Variants in ARID1B observed in about 807,000 individuals in gnomAD.
ARID1B encodes the protein AT-rich interaction domain 1B.
A neutral mutation model predicts 212.3 loss-of-function variants in ARID1B; 30 were observed. That is an observed-to-expected ratio of 0.14 (90% confidence interval 0.11 to 0.19). The LOEUF (loss-of-function observed/expected upper bound fraction) is 0.19, where lower values mean the gene tolerates loss of function less well. Ranked by LOEUF, ARID1B falls within the 10% of genes least tolerant of loss-of-function variation. The pLI is 1.00. For synonymous variants in ARID1B, 1,402 were observed against 1,301.7 expected (o/e 1.08, Z -1.66); for missense variants, 2,891 against 3,204.0 (o/e 0.90, Z 2.36).
intron 4 of ARID1B, among the ~76,000 whole-genome samples, chr6:157,002,393 C>G (rs921044083): frequency 4.6e-5 from 7 of 152,130 alleles, no homozygotes; most frequent in African/African-American, 1.7e-4. Flanking sequence ...ATTCTAAAAG[C>G]CTTCTAAATC....
intron 2 of ARID1B, among the ~76,000 whole-genome samples, chr6:156,859,302 A>G (rs1484819550): frequency 6.6e-6 from 1 of 152,224 alleles, no homozygotes; most frequent in Non-Finnish European, 1.5e-5. Context: ...TATGTGGTCC[A>G]TCATAGACCG....
intron 16 of ARID1B, 24 bp downstream of exon 16, chr6:157,196,339 T>G (rs1793725607): frequency 5.7e-6 from 9 of 1,579,234 alleles, no homozygotes; most frequent in Non-Finnish European, 7.7e-6. Flanking sequence ...AAGATGACAA[T>G]ATGATGATTT....
At position 157,208,008 on chromosome 6, in the gene ARID1B, G is replaced by C; in HGVS notation, c.*117G>C. 9.0e-7 allele frequency: 1 copy of C among 1,113,518 alleles called. No individual in the cohort carries two copies. The highest frequency in any genetic ancestry group is 1.2e-6 in the Non-Finnish European group (1 of 837,758). The allele number at this position is 1,113,518 out of a possible 1,614,324, so 69.0% of individuals were successfully genotyped here. ...AGGAAAAGAAAATCTTTGCTCCTCT[G>C]CCCCATTCACTATTTACCAATTGGG... On this transcript the variant is annotated 3_prime_UTR_variant, in exon 20 of 20. Coordinates refer to ENST00000636930, the MANE Select transcript of ARID1B (RefSeq NM_001374828.1).
chr6:156,952,545 G>A (rs2128308180), intron 4 of ARID1B, among the ~76,000 whole-genome samples: 1 of 152,304 alleles, frequency 6.6e-6, no homozygotes, highest in African/African-American at 2.4e-5. Flanking sequence ...GGCTGCCGTG[G>A]CTCCTGTGCA....
intron 4 of ARID1B, among the ~76,000 whole-genome samples, chr6:157,078,866 G>C (rs1439351510): frequency 6.6e-6 from 1 of 152,162 alleles, no homozygotes; most frequent in East Asian, 1.9e-4. Flanking sequence ...ATCTTTGCCT[G>C]AGAAATAACA....
chr6:156,926,806 C>G (rs540035549), intron 3 of ARID1B, among the ~76,000 whole-genome samples: 1 of 152,112 alleles, frequency 6.6e-6, no homozygotes, highest in Non-Finnish European at 1.5e-5. Context: ...CTCAGCTTCC[C>G]GAGTAGCTGG....
Position 156,779,326 on chromosome 6 carries a change from G to T in ARID1B, c.1646G>T (p.Gly549Val), listed in dbSNP as rs758181047. ...QAAAAGAAAGGQQAAAGMGLG... is the reference protein window; with the variant it reads ...QAAAAGAAAGVQQAAAGMGLG... ...GCGGCGGCGGGGGCGGCGGCGGGCG[G>T]CCAGCAGGCGGCCGCGGGCATGGGC... is the stretch of plus-strand genomic sequence containing the variant. Residue 549 changes from glycine to valine, a missense_variant, in exon 1 of 20, where the codon GGC (glycine) becomes GTC (valine). Gly to Val is a moderately radical substitution (Grantham distance 109, BLOSUM62 -3). This residue lies in a region of ARID1B where 1,643 missense variants were observed against 1,544.0 expected (regional missense o/e 1.06). Coordinates refer to ENST00000636930, the MANE Select transcript of ARID1B (RefSeq NM_001374828.1). 25 of 1,141,088 alleles carry T rather than the reference G, an allele frequency of 2.2e-5. No homozygotes were observed. In the South Asian group the frequency reaches 9.3e-4, roughly 42 times the overall value. The allele number at this position is 1,141,088 out of a possible 1,614,324, so 70.7% of individuals were successfully genotyped here. A position where few individuals can be genotyped will look rare whatever the true frequency, so the allele number is the denominator to read the frequency against.
intron 2 of ARID1B, among the ~76,000 whole-genome samples, chr6:156,840,598 G>A (rs1391970748): frequency 3.3e-5 from 5 of 152,200 alleles, no homozygotes; most frequent in African/African-American, 4.8e-5. Flanking sequence ...GGTTCGCTCC[G>A]AGATTAGGCT....
chr6:156,908,706 TTC>T (rs750281957), intron 3 of ARID1B, among the ~76,000 whole-genome samples: 10 of 152,336 alleles, frequency 6.6e-5, no homozygotes, highest in Non-Finnish European at 1.2e-4. Context: ...ATCATTTTTG[TTC>T]TCTTTTAGTT....
chr6:156,904,014 T>C (rs1022675152), intron 3 of ARID1B, among the ~76,000 whole-genome samples: 4 of 152,216 alleles, frequency 2.6e-5, no homozygotes, highest in African/African-American at 9.6e-5. Context: ...CATTTATTGG[T>C]TTGAAAAAAT....
At chr6:156,894,986 A>G (rs1788266783) in intron 2 of ARID1B, among the ~76,000 whole-genome samples, 3 of 152,176 alleles carry the variant, frequency 2.0e-5, no homozygotes, top group Admixed American at 2.0e-4. Flanking sequence ...GATGAACTGA[A>G]CTAGCAAGGG....
chr6:156,878,787 C>G (rs1343512259), intron 2 of ARID1B, among the ~76,000 whole-genome samples: 1 of 152,204 alleles, frequency 6.6e-6, no homozygotes, highest in African/African-American at 2.4e-5. Flanking sequence ...GTGGTCGCTA[C>G]ATTGCTGCTT....
At chr6:156,886,366 T>C (rs773612546) in intron 2 of ARID1B, among the ~76,000 whole-genome samples, 3 of 152,226 alleles carry the variant, frequency 2.0e-5, no homozygotes, top group Non-Finnish European at 2.9e-5. Flanking sequence ...CTAACAATTT[T>C]AGTTTTTAAA....
intron 4 of ARID1B, among the ~76,000 whole-genome samples, chr6:157,039,616 ACCTT>A (rs1368853614): frequency 1.2e-3 from 147 of 123,248 alleles, no homozygotes; most frequent in African/African-American, 3.0e-3. Flanking sequence ...AAAGCTACCT[ACCTT>A]CCTTCCTTCC....
chr6:157,010,200 A>G (rs552676663), intron 4 of ARID1B, among the ~76,000 whole-genome samples: 38 of 150,506 alleles, frequency 2.5e-4, no homozygotes, highest in Non-Finnish European at 3.7e-4. Flanking sequence ...AATCTTGAAT[A>G]GGGCCGAGCT....
intron 1 of ARID1B, among the ~76,000 whole-genome samples, chr6:156,784,526 G>T (rs1049765306): frequency 3.9e-5 from 6 of 151,960 alleles, no homozygotes; most frequent in African/African-American, 1.5e-4. Context: ...AATGACTTAG[G>T]TATCAGTCAT....
At chr6:157,177,685 A>G (rs1304531845) in intron 11 of ARID1B, among the ~76,000 whole-genome samples, 1 of 152,248 alleles carries the variant, frequency 6.6e-6, no homozygotes, top group Non-Finnish European at 1.5e-5. Flanking sequence ...TAATTAAAGT[A>G]TATGCAAGGA....
intron 4 of ARID1B, among the ~76,000 whole-genome samples, chr6:156,965,775 C>T (rs550471027): frequency 2.6e-5 from 4 of 151,816 alleles, no homozygotes; most frequent in Non-Finnish European, 1.5e-5. Flanking sequence ...ATTGTTAGCT[C>T]GATTGTCCAA....
chr6:156,799,170 A>C (rs1441858333), intron 1 of ARID1B, among the ~76,000 whole-genome samples: 1 of 152,248 alleles, frequency 6.6e-6, no homozygotes, highest in Non-Finnish European at 1.5e-5. Context: ...AATACTAAGT[A>C]TTGAATAATT....
Sources: allele counts gnomAD v4.1 joint callset (sites outside exome capture counted in the v4.1 genomes callset), GRCh38; gene constraint gnomAD v4.1.1; regional missense constraint gnomAD v4.1.1; transcripts MANE v1.5; gene names NCBI Gene and HGNC (gene_info 2026-07-23, HGNC 2026-07-21).